The following DSTN variants were observed in gnomAD, a reference collection of about 807,000 sequenced individuals.
DSTN encodes the protein destrin, actin depolymerizing factor.
In DSTN, 10 loss-of-function variants were observed where a neutral mutation model predicts 16.8. The ratio of observed to expected loss-of-function variants is 0.60; its 90% confidence interval spans 0.37 to 1.01. The LOEUF (loss-of-function observed/expected upper bound fraction) is 1.01. Ranked by LOEUF, DSTN falls within the 50% of genes least tolerant of loss-of-function variation. DSTN has a pLI of 0.01. For missense variants in DSTN, 141 were observed against 196.7 expected (o/e 0.72, Z 1.69); for synonymous variants, 57 against 58.9 (o/e 0.97, Z 0.14).
At chr20:17,597,166 T>C (rs1647788480) in intron 1 of DSTN, among the ~76,000 whole-genome samples, 1 of 152,222 alleles carries the variant, frequency 6.6e-6, no homozygotes, top group Non-Finnish European at 1.5e-5. Flanking sequence ...ATCAGAAATA[T>C]GCTACTCCTA....
chr20:17,571,189 G>A (rs531350091), intron 1 of DSTN, among the ~76,000 whole-genome samples: 1 of 152,254 alleles, frequency 6.6e-6, no homozygotes, highest in East Asian at 1.9e-4. Flanking sequence ...ACATTTTGTC[G>A]TTTTCGTTAG....
At chr20:17,574,596 C>T (rs1255786950) in intron 1 of DSTN, among the ~76,000 whole-genome samples, 29 of 151,778 alleles carry the variant, frequency 1.9e-4, no homozygotes, top group Admixed American at 1.6e-3. Context: ...CGTGGTGGCA[C>T]GTGCCTGTAA....
chr20:17,600,019 T>G (rs2035569386), intron 1 of DSTN, among the ~76,000 whole-genome samples: 1 of 152,254 alleles, frequency 6.6e-6, no homozygotes, highest in African/African-American at 2.4e-5. Flanking sequence ...GTTTAAGATC[T>G]TGTGCTATCA....
chr20:17,582,028 A>G (rs1424962108), intron 1 of DSTN, among the ~76,000 whole-genome samples: 8 of 151,800 alleles, frequency 5.3e-5, no homozygotes, highest in Admixed American at 1.3e-4. Context: ...TGTAGGCTCT[A>G]GAGATTCAAT....
At chr20:17,584,201 TTAA>T (rs905715496) in intron 1 of DSTN, among the ~76,000 whole-genome samples, 5 of 152,192 alleles carry the variant, frequency 3.3e-5, no homozygotes, top group African/African-American at 1.2e-4. Flanking sequence ...CTTAAATTGT[TTAA>T]TAATATCATG....
chr20:17,581,978 AGTAAT>A (rs2035350360), intron 1 of DSTN, among the ~76,000 whole-genome samples: 1 of 152,162 alleles, frequency 6.6e-6, no homozygotes, highest in South Asian at 2.1e-4. Context: ...TTTTTCAAGA[AGTAAT>A]TATTAACTAC....
rs1006100961 is a variant in DSTN at position 17,570,330 on chromosome 20, C to T, written c.3+119C>T. 1.5e-5 allele frequency: 19 copies of T among 1,300,580 alleles called. 2 individuals carry two copies. In the African/African-American group the frequency reaches 1.6e-4, roughly 11 times the overall value. 80.6% of individuals were successfully genotyped at this position (1,300,580 alleles called of 1,614,324 possible). A position where few individuals can be genotyped will look rare whatever the true frequency, so the allele number is the denominator to read the frequency against. ...GCCTCAGCCCGGGGAGGGACCCGGTCCGGCTGCAGTGTCCGGGCTGCGGGT... is the reference window on the plus strand; with the variant it reads ...GCCTCAGCCCGGGGAGGGACCCGGTTCGGCTGCAGTGTCCGGGCTGCGGGT... On this transcript the variant is annotated intron_variant, in intron 1 of 3. Coordinates refer to ENST00000246069, the MANE Select transcript of DSTN (RefSeq NM_006870.4).
intron 2 of DSTN, among the ~76,000 whole-genome samples, chr20:17,604,133 CTT>C (rs903947733): frequency 2.6e-5 from 4 of 152,110 alleles, no homozygotes; most frequent in Non-Finnish European, 5.9e-5. Context: ...TATTTTAAAA[CTT>C]TTTTCCAACT....
In DSTN at chr20:17,575,480, G is replaced by A. The variant is rs1176203081; in HGVS notation, c.3+5269G>A. Among the ~76,000 whole-genome samples, 4 of 124,576 alleles carry A rather than the reference G, an allele frequency of 3.2e-5. No individual in the cohort carries two copies. In the Admixed American group the frequency reaches 3.2e-4, roughly 10 times the overall value. The allele number at this position is 124,576 out of a possible 152,430, so 81.7% of individuals were successfully genotyped here. A position where few individuals can be genotyped will look rare whatever the true frequency, so the allele number is the denominator to read the frequency against. On this transcript the variant is annotated intron_variant, in intron 1 of 3. Transcript: ENST00000246069. ...TGTGAAAGCATTTTTTTTTTTTTTT[G>A]GAGACAGGGTCTCATTCTGTTAACC...
At chr20:17,586,666 T>C (rs1252848758) in intron 1 of DSTN, among the ~76,000 whole-genome samples, 1 of 152,244 alleles carries the variant, frequency 6.6e-6, no homozygotes, top group African/African-American at 2.4e-5. Context: ...TTGGTTTCTT[T>C]ATCCATAACA....
intron 3 of DSTN, chr20:17,605,232 G>A (rs772890198): frequency 4.4e-5 from 20 of 455,074 alleles, no homozygotes; most frequent in Non-Finnish European, 7.1e-5. Context: ...TGGAAAGAAC[G>A]TGCATGGGGC....
chr20:17,583,977 G>A (rs1178082417), intron 1 of DSTN, among the ~76,000 whole-genome samples: 3 of 151,964 alleles, frequency 2.0e-5, no homozygotes, highest in Non-Finnish European at 4.4e-5. Context: ...GGACTCAAGT[G>A]ATCTTCCTGC....
Position 17,570,185 on chromosome 20 carries a change from G to C in DSTN, c.-24G>C. On this transcript the variant is annotated 5_prime_UTR_variant, in exon 1 of 4. Transcript: ENST00000246069. ...GCTGCCCGCCGGCTCCCTCCCCCGC[G>C]TCCCTGCGACCGCCGCGGCGAAGAT... The C allele has an allele frequency of 6.6e-7, 1 of 1,519,690 alleles. No homozygotes were observed. Among genetic ancestry groups the C allele is most frequent in the South Asian group, 1.2e-5 (1 of 82,898 alleles). 94.1% of individuals were successfully genotyped at this position (1,519,690 alleles called of 1,614,324 possible).
chr20:17,605,104 CCCA>C, intron 3 of DSTN: 1 of 456,364 alleles, frequency 2.2e-6, no homozygotes, highest in Non-Finnish European at 4.4e-6. Flanking sequence ...TCATCTGTGT[CCCA>C]AGGAAAGTGC....
chr20:17,585,759 C>T (rs1401844581), intron 1 of DSTN, among the ~76,000 whole-genome samples: 1 of 152,116 alleles, frequency 6.6e-6, no homozygotes, highest in Non-Finnish European at 1.5e-5. Context: ...TTAATCCCTC[C>T]TCCTATCCCC....
chr20:17,605,820 C>T (rs1014224239), intron 3 of DSTN, among the ~76,000 whole-genome samples: 4 of 152,066 alleles, frequency 2.6e-5, no homozygotes, highest in Admixed American at 6.6e-5. Flanking sequence ...AGATAGTGGC[C>T]GGCTGGGTGT....
At chr20:17,570,663 CTT>C (rs2035192107) in intron 1 of DSTN, among the ~76,000 whole-genome samples, 1 of 152,234 alleles carries the variant, frequency 6.6e-6, no homozygotes, top group Non-Finnish European at 1.5e-5. Flanking sequence ...CGCTTGGTGA[CTT>C]GTGCGCGTTC....
At chr20:17,581,812 T>A (rs1003033617) in intron 1 of DSTN, among the ~76,000 whole-genome samples, 1 of 152,216 alleles carries the variant, frequency 6.6e-6, no homozygotes, top group Non-Finnish European at 1.5e-5. Flanking sequence ...AAAAGTTTTA[T>A]AAATCTTTAA....
intron 1 of DSTN, among the ~76,000 whole-genome samples, chr20:17,596,206 T>G (rs1381352901): frequency 1.3e-5 from 2 of 152,256 alleles, no homozygotes; most frequent in South Asian, 2.1e-4. Flanking sequence ...TTACCTCTTT[T>G]TAGTGTCCTT....
Sources: gnomAD v4.1 joint callset for allele counts (sites outside exome capture counted in the v4.1 genomes callset) on GRCh38, gnomAD v4.1.1 for gene constraint, MANE v1.5 for transcripts, NCBI Gene and HGNC (gene_info 2026-07-23, HGNC 2026-07-21) for gene names.